Variants in PLCG2 observed in about 807,000 individuals in gnomAD.
PLCG2 encodes the protein phospholipase C gamma 2.
In PLCG2, 69 loss-of-function variants were observed where a neutral mutation model predicts 175.6. The observed-to-expected ratio is 0.39, with a 90% CI of 0.32 to 0.48. PLCG2 has a LOEUF of 0.48. PLCG2 is among the 20% of genes least tolerant of loss of function. The pLI, the probability that PLCG2 is intolerant of heterozygous loss-of-function variation, is 0.91. For synonymous variants in PLCG2, 827 were observed against 624.0 expected, an observed-to-expected ratio of 1.33 and a Z score of -4.85; for missense variants, 1,798 against 1,650.9, an observed-to-expected ratio of 1.09 and a Z score of -1.54.
intron 2 of PLCG2, among the ~76,000 whole-genome samples, chr16:81,820,293 C>T (rs973957556): frequency 2.6e-5 from 4 of 152,336 alleles, no homozygotes; most frequent in African/African-American, 9.6e-5. Flanking sequence ...TCCCTCACTT[C>T]CCTCTGCAGT....
At chr16:81,950,849 G>A (rs913013932) in intron 31 of PLCG2, among the ~76,000 whole-genome samples, 2 of 152,134 alleles carry the variant, frequency 1.3e-5, no homozygotes, top group African/African-American at 4.8e-5. Context: ...GAAGACGTAT[G>A]TACTACTAAG....
intron 1 of PLCG2, among the ~76,000 whole-genome samples, chr16:81,752,140 C>T (rs1310482085): frequency 6.6e-6 from 1 of 152,140 alleles, no homozygotes; most frequent in Non-Finnish European, 1.5e-5. Context: ...GAACTATGAG[C>T]CTGCTGAGTG....
chr16:81,945,923 A>G (rs546634162), intron 30 of PLCG2, among the ~76,000 whole-genome samples: 4 of 152,260 alleles, frequency 2.6e-5, no homozygotes, highest in African/African-American at 9.6e-5. Context: ...TTCTGAGTGA[A>G]TCATTTTTAT....
chr16:81,864,526 G>T (rs1471449101), intron 5 of PLCG2, among the ~76,000 whole-genome samples: 1 of 152,132 alleles, frequency 6.6e-6, no homozygotes, highest in Admixed American at 6.5e-5. Flanking sequence ...GTGAATTGGG[G>T]TAAATGATTT....
At chr16:81,870,034 A>G (rs751274748) in intron 6 of PLCG2, among the ~76,000 whole-genome samples, 2 of 152,202 alleles carry the variant, frequency 1.3e-5, no homozygotes, top group Non-Finnish European at 2.9e-5. Flanking sequence ...TCATTTTTGT[A>G]TTAATGAGCT....
intron 23 of PLCG2, among the ~76,000 whole-genome samples, chr16:81,927,565 G>A (rs1313408970): frequency 1.3e-5 from 2 of 152,196 alleles, no homozygotes; most frequent in Non-Finnish European, 1.5e-5. Flanking sequence ...CCTAACCAGA[G>A]GTGAGATGAG....
At chr16:81,789,721 G>A (rs7195470) in intron 2 of PLCG2, among the ~76,000 whole-genome samples, 102,683 of 151,742 alleles carry the variant, frequency 0.68, 35,208 homozygotes, top group Admixed American at 0.76. Flanking sequence ...GGATGGTCTG[G>A]TAACTAGGCA....
chr16:81,910,356 G>T (rs1431780330), intron 17 of PLCG2, among the ~76,000 whole-genome samples, 164 bp from the exon 18 acceptor site: 1 of 152,188 alleles, frequency 6.6e-6, no homozygotes, highest in Non-Finnish European at 1.5e-5. Context: ...CTCCCAAAGT[G>T]CTGGGATTAC....
At chr16:81,813,289 C>T (rs1475572773) in intron 2 of PLCG2, among the ~76,000 whole-genome samples, 3 of 152,226 alleles carry the variant, frequency 2.0e-5, no homozygotes, top group African/African-American at 7.2e-5. Context: ...CATATTGATG[C>T]TTCCTGTCCA....
chr16:81,741,292 C>G (rs1170066829), intron 1 of PLCG2, among the ~76,000 whole-genome samples: 1 of 152,178 alleles, frequency 6.6e-6, no homozygotes, highest in Non-Finnish European at 1.5e-5. Context: ...GATGAGGAAA[C>G]TATAGCTCAG....
chr16:81,960,352 A>C lies in PLCG2; in HGVS notation c.*2354A>C, dbSNP rs1911737088. ...AAAGCACAGCCAATCCAGGCCAAGA[A>C]GACTAGTAACAGGCACATTCTGAAA... is the stretch of plus-strand genomic sequence containing the variant. On this transcript the variant is annotated 3_prime_UTR_variant, in exon 33 of 33. Coordinates refer to ENST00000564138, the MANE Select transcript of PLCG2 (RefSeq NM_002661.5). 4.5e-6 allele frequency: 1 copy of C among 219,898 alleles called. No homozygotes were observed. The allele number at this position is 219,898 out of a possible 1,614,324, so 13.6% of individuals were successfully genotyped here. A position where few individuals can be genotyped will look rare whatever the true frequency, so the allele number is the denominator to read the frequency against.
At chr16:81,847,210 G>C (rs1222107580) in intron 2 of PLCG2, among the ~76,000 whole-genome samples, 1 of 152,158 alleles carries the variant, frequency 6.6e-6, no homozygotes, top group Non-Finnish European at 1.5e-5. Context: ...AAAAGATAAA[G>C]ATGATCAGCC....
intron 7 of PLCG2, among the ~76,000 whole-genome samples, chr16:81,875,071 C>G (rs771035404): frequency 6.8e-5 from 10 of 147,630 alleles, no homozygotes; most frequent in Non-Finnish European, 1.5e-4. Flanking sequence ...TCAAGCGATT[C>G]TCCTGCCTCA....
At chr16:81,740,754 A>C (rs1476638423) in intron 1 of PLCG2, among the ~76,000 whole-genome samples, 5 of 149,142 alleles carry the variant, frequency 3.4e-5, no homozygotes, top group African/African-American at 9.9e-5. Flanking sequence ...AAAAAAAAAA[A>C]AAAAAACCGA....
chr16:81,881,243 A>G (rs1908065756), intron 8 of PLCG2, among the ~76,000 whole-genome samples: 1 of 136,798 alleles, frequency 7.3e-6, no homozygotes, highest in Non-Finnish European at 1.6e-5. Flanking sequence ...TGACAGGTTA[A>G]TAGTTTTTTT....
chr16:81,824,686 T>C (rs1904967873), intron 2 of PLCG2, among the ~76,000 whole-genome samples: 1 of 152,212 alleles, frequency 6.6e-6, no homozygotes. Context: ...ATGGCTGGGA[T>C]CCTCTCGTAG....
At chr16:81,780,164 AG>A (rs1282342640) in intron 1 of PLCG2, among the ~76,000 whole-genome samples, 2 of 152,006 alleles carry the variant, frequency 1.3e-5, no homozygotes, top group Admixed American at 1.3e-4. Context: ...GGGGTGGTAA[AG>A]GGGTGACATG....
chr16:81,793,726 G>C (rs1911341352), intron 2 of PLCG2, among the ~76,000 whole-genome samples: 1 of 152,162 alleles, frequency 6.6e-6, no homozygotes, highest in Non-Finnish European at 1.5e-5. Context: ...AATGCTCACT[G>C]TGTCCTAGTC....
intron 7 of PLCG2, 111 bp from the exon 8 acceptor site, chr16:81,880,799 G>T: frequency 1.1e-6 from 1 of 906,476 alleles, no homozygotes; most frequent in East Asian, 2.4e-5. Flanking sequence ...TATTTTTAAT[G>T]ATCTTGTTGC....
Sources: allele counts gnomAD v4.1 joint callset (sites outside exome capture counted in the v4.1 genomes callset), GRCh38; gene constraint gnomAD v4.1.1; transcripts MANE v1.5; gene names NCBI Gene and HGNC (gene_info 2026-07-23, HGNC 2026-07-21).